The following GPC5 variants were observed in gnomAD, a reference collection of about 807,000 sequenced individuals.
The protein encoded by GPC5 is glypican-5.
A neutral mutation model predicts 53.9 loss-of-function variants in GPC5; 47 were observed. The observed-to-expected ratio is 0.87, with a 90% CI of 0.69 to 1.11. The LOEUF is 1.11. Among genes scored for constraint, GPC5 ranks in the 50% most tolerant of loss-of-function variants. GPC5 has a pLI of 0.00. For synonymous variants in GPC5, 286 were observed against 263.3 expected (o/e 1.09, Z -0.84); for missense variants, 748 against 713.1 (o/e 1.05, Z -0.56).
At chr13:92,031,774 TATATA>T (rs1245744943) in intron 6 of GPC5, among the ~76,000 whole-genome samples, 14 of 106,428 alleles carry the variant, frequency 1.3e-4, no homozygotes, top group African/African-American at 5.4e-4. Context: ...TTATATATAA[TATATA>T]ATATATTACA....
At chr13:92,164,375 C>A (rs145730493) in intron 7 of GPC5, among the ~76,000 whole-genome samples, 1 of 152,216 alleles carries the variant, frequency 6.6e-6, no homozygotes. Flanking sequence ...CCATTCCAAA[C>A]GGGAGAAATT....
At chr13:92,487,055 C>T (rs1027453083) in intron 7 of GPC5, among the ~76,000 whole-genome samples, 1 of 152,046 alleles carries the variant, frequency 6.6e-6, no homozygotes, top group Non-Finnish European at 1.5e-5. Flanking sequence ...GGGGTTTCAC[C>T]ATGCTGGCCA....
At chr13:92,821,394 C>T (rs1877667356) in intron 7 of GPC5, among the ~76,000 whole-genome samples, 1 of 152,076 alleles carries the variant, frequency 6.6e-6, no homozygotes, top group Non-Finnish European at 1.5e-5. Flanking sequence ...GTGTATACTT[C>T]GCAAGTCAAC....
chr13:92,456,637 T>G (rs1265121450), intron 7 of GPC5, among the ~76,000 whole-genome samples: 1 of 152,196 alleles, frequency 6.6e-6, no homozygotes, highest in African/African-American at 2.4e-5. Flanking sequence ...CGTGGGTCTC[T>G]GTGCAGCTGC....
At chr13:92,025,420 C>G (rs1431710991) in intron 6 of GPC5, among the ~76,000 whole-genome samples, 1 of 152,086 alleles carries the variant, frequency 6.6e-6, no homozygotes, top group Non-Finnish European at 1.5e-5. Flanking sequence ...ATTTAGTTTT[C>G]ATTAGTTTTC....
At chr13:91,682,118 T>A (rs926201065) in intron 2 of GPC5, among the ~76,000 whole-genome samples, 3 of 152,164 alleles carry the variant, frequency 2.0e-5, no homozygotes, top group Non-Finnish European at 4.4e-5. Flanking sequence ...TAAACCTTGA[T>A]CAAATCACTT....
intron 7 of GPC5, among the ~76,000 whole-genome samples, chr13:92,719,063 G>A (rs978773384): frequency 3.3e-5 from 5 of 151,356 alleles, no homozygotes; most frequent in South Asian, 2.1e-4. Context: ...TACCTACTAG[G>A]TACTCATAAA....
chr13:92,566,688 A>T (rs115369810), intron 7 of GPC5, among the ~76,000 whole-genome samples: 46 of 152,214 alleles, frequency 3.0e-4, no homozygotes, highest in African/African-American at 1.1e-3. Flanking sequence ...TAACAAATCC[A>T]TCAATGCTCC....
intron 7 of GPC5, among the ~76,000 whole-genome samples, chr13:92,176,701 C>T (rs1593963720): frequency 6.6e-6 from 1 of 152,152 alleles, no homozygotes; most frequent in East Asian, 1.9e-4. Flanking sequence ...TTGAACCTCC[C>T]TCCAGAGTGC....
intron 6 of GPC5, among the ~76,000 whole-genome samples, chr13:91,927,362 G>T (rs1013230532): frequency 6.6e-6 from 1 of 152,046 alleles, no homozygotes; most frequent in African/African-American, 2.4e-5. Flanking sequence ...TATTGTAGTA[G>T]ATAAGATTTC....
At chr13:92,724,580 A>G (rs1386372778) in intron 7 of GPC5, among the ~76,000 whole-genome samples, 1 of 151,642 alleles carries the variant, frequency 6.6e-6, no homozygotes, top group Non-Finnish European at 1.5e-5. Flanking sequence ...ATGAACCTAG[A>G]TAGAGGACAC....
chr13:92,844,286 T>C (rs1475823195), intron 7 of GPC5, among the ~76,000 whole-genome samples: 1 of 152,084 alleles, frequency 6.6e-6, no homozygotes, highest in Admixed American at 6.6e-5. Flanking sequence ...ATGAATTCAG[T>C]GATATTTCTA....
rs544013082 is a variant in GPC5, at chr13:91,589,240, T to C, written c.326-103947T>C. On this transcript the variant is annotated intron_variant, in intron 2 of 7. Coordinates refer to ENST00000377067, the MANE Select transcript of GPC5 (RefSeq NM_004466.6). ...TCCTCCTGCCTTTTAAAAAACTACC[T>C]TTGACTCTCATTCCTCTTCTTTAAT... is the stretch of plus-strand genomic sequence containing the variant. Among the ~76,000 whole-genome samples, 3 of 152,288 alleles carry C rather than the reference T, an allele frequency of 2.0e-5. No homozygotes were observed. In the East Asian group the frequency reaches 5.8e-4, roughly 29 times the overall value.
chr13:92,819,681 C>G (rs1877608213), intron 7 of GPC5, among the ~76,000 whole-genome samples: 1 of 151,950 alleles, frequency 6.6e-6, no homozygotes, highest in Non-Finnish European at 1.5e-5. Flanking sequence ...AGATGTATCC[C>G]CCTGGGGTAG....
chr13:91,602,848 G>C lies in GPC5; in HGVS notation c.326-90339G>C, dbSNP rs191515493. Among the ~76,000 whole-genome samples the C allele has an allele frequency of 3.9e-5, 6 of 152,250 alleles. 1 individual carries two copies. The highest frequency in any genetic ancestry group is 2.6e-4 in the Admixed American group (4 of 15,290). On this transcript the variant is annotated intron_variant, in intron 2 of 7. Transcript: ENST00000377067. ...AATCTTTTTTCTTCATTTGTAATTTGAGTTAGAATTGTCAAAAGGATATTG... is the reference window on the plus strand; with the variant it reads ...AATCTTTTTTCTTCATTTGTAATTTCAGTTAGAATTGTCAAAAGGATATTG...
At chr13:92,861,795 T>G (rs990621191) in intron 7 of GPC5, among the ~76,000 whole-genome samples, 1 of 152,204 alleles carries the variant, frequency 6.6e-6, no homozygotes, top group Non-Finnish European at 1.5e-5. Context: ...TAAATAAAAA[T>G]ATAGACCTAT....
intron 7 of GPC5, among the ~76,000 whole-genome samples, chr13:92,472,976 G>A (rs897325663): frequency 2.0e-5 from 3 of 151,890 alleles, no homozygotes; most frequent in Non-Finnish European, 4.4e-5. Context: ...ATTCTGTTTG[G>A]TATCTAATGA....
intron 5 of GPC5, among the ~76,000 whole-genome samples, chr13:91,759,022 A>G (rs2037353661): frequency 6.6e-6 from 1 of 152,074 alleles, no homozygotes; most frequent in African/African-American, 2.4e-5. Context: ...CAAAATGAGC[A>G]TGTTTCAGCC....
intron 7 of GPC5, among the ~76,000 whole-genome samples, chr13:92,574,856 C>A (rs188498880): frequency 6.6e-6 from 1 of 152,262 alleles, no homozygotes; most frequent in Non-Finnish European, 1.5e-5. Flanking sequence ...TCTTATCTAG[C>A]AAGAAGGTCA....
Sources: allele counts gnomAD v4.1 joint callset (sites outside exome capture counted in the v4.1 genomes callset), GRCh38; gene constraint gnomAD v4.1.1; transcripts MANE v1.5; gene names NCBI Gene and HGNC (gene_info 2026-07-23, HGNC 2026-07-21).